The following ARHGEF10 variants were observed in gnomAD, a reference collection of about 807,000 sequenced individuals.
ARHGEF10 encodes Rho guanine nucleotide exchange factor 10.
In ARHGEF10, 140 loss-of-function variants were observed where a neutral mutation model predicts 147.4. That is an observed-to-expected ratio of 0.95 (90% CI 0.83 to 1.09). The LOEUF is 1.09. ARHGEF10 is among the 50% of genes least tolerant of loss of function. ARHGEF10 has a pLI of 0.00. For missense variants in ARHGEF10, 2,222 were observed against 1,752.7 expected, an observed-to-expected ratio of 1.27 and a Z score of -4.78; for synonymous variants, 902 against 695.8, an observed-to-expected ratio of 1.30 and a Z score of -4.67.
At chr8:1,851,557 G>A (rs1297615018) in intron 2 of ARHGEF10, among the ~76,000 whole-genome samples, 1 of 152,168 alleles carries the variant, frequency 6.6e-6, no homozygotes, top group Non-Finnish European at 1.5e-5. Flanking sequence ...AGAACTCTCT[G>A]TACCTTCCTC....
intron 26 of ARHGEF10, among the ~76,000 whole-genome samples, chr8:1,935,794 T>C (rs1173174099): frequency 2.6e-5 from 4 of 152,186 alleles, no homozygotes; most frequent in African/African-American, 9.7e-5. Flanking sequence ...AATGAGGGCA[T>C]CTATGCCCCA....
At chr8:1,888,861 CACTG>C (rs72029984) in intron 11 of ARHGEF10, among the ~76,000 whole-genome samples, 4,666 of 48,176 alleles carry the variant, frequency 0.097, 1,011 homozygotes, top group South Asian at 0.15. Flanking sequence ...TGTGAGGAGA[CACTG>C]AGTGGGGTGA....
intron 1 of ARHGEF10, among the ~76,000 whole-genome samples, chr8:1,826,743 T>A (rs1377048111): frequency 6.6e-6 from 1 of 152,232 alleles, no homozygotes; most frequent in Non-Finnish European, 1.5e-5. Flanking sequence ...CCGTCATTGT[T>A]TACTGCACAG....
intron 18 of ARHGEF10, among the ~76,000 whole-genome samples, chr8:1,920,643 AG>A (rs1422332266): frequency 1.3e-5 from 2 of 152,298 alleles, no homozygotes; most frequent in Middle Eastern, 3.4e-3. Context: ...TTGTGTTACA[AG>A]GTTGTGTTTA....
At chr8:1,933,556 G>T (rs1435109606) in intron 25 of ARHGEF10, among the ~76,000 whole-genome samples, 2 of 133,980 alleles carry the variant, frequency 1.5e-5, no homozygotes, top group African/African-American at 2.7e-5. Context: ...TAGGCAGGGG[G>T]GCGGGTGGGG....
intron 9 of ARHGEF10, among the ~76,000 whole-genome samples, chr8:1,880,401 C>T (rs558693111): frequency 8.5e-5 from 13 of 152,332 alleles, no homozygotes; most frequent in South Asian, 2.1e-4. Context: ...GTGGCCTCAC[C>T]GCTGGCGGAA....
rs1395408568 is a variant in ARHGEF10 at position 1,858,205 on chromosome 8, T to TCCCCAGG, written c.193+90_193+91insCCCCAGG. 3.7e-5 allele frequency: 45 copies of TCCCCAGG among 1,231,536 alleles called. 2 individuals carry two copies. The highest frequency in any genetic ancestry group is 1.8e-4 in the South Asian group (11 of 62,680). 76.3% of individuals were successfully genotyped at this position (1,231,536 alleles called of 1,614,324 possible). Reference sequence around the variant, plus strand: ...GTCCCCATGTGAGTCACCAGGTGAGTTCCCAGGTGAGTCCCCAGGTGAGTC... The same window carrying TCCCCAGG: ...GTCCCCATGTGAGTCACCAGGTGAGTCCCCAGGTCCCAGGTGAGTCCCCAGGTGAGTC... On this transcript the variant is annotated intron_variant, in intron 3 of 28. Coordinates refer to ENST00000349830, the MANE Select transcript of ARHGEF10 (RefSeq NM_014629.4).
chr8:1,954,204 C>T (rs1815295277), intron 28 of ARHGEF10, among the ~76,000 whole-genome samples: 1 of 152,136 alleles, frequency 6.6e-6, no homozygotes, highest in African/African-American at 2.4e-5. Flanking sequence ...AGCTATTCTC[C>T]TGCCTCAGCC....
In ARHGEF10 at chr8:1,893,553, T is replaced by C; in HGVS notation, c.1183-16T>C. 5 of 1,596,072 alleles carry C rather than the reference T, an allele frequency of 3.1e-6. No homozygotes were observed. The highest frequency in any genetic ancestry group is 4.3e-6 in the Non-Finnish European group (5 of 1,163,756). On this transcript the variant is annotated splice_polypyrimidine_tract_variant and intron_variant, in intron 11 of 28. Transcript: ENST00000349830. ...TAAAGCAGTTTTCTATCATTGTACT[T>C]CCAAATTTCCAACAGGTTGTAAGAA...
At position 1,903,401 on chromosome 8, in the gene ARHGEF10, T is replaced by G; in HGVS notation, c.1771T>G (p.Cys591Gly). 1 of 1,614,222 alleles carries G rather than the reference T, an allele frequency of 6.2e-7. No individual in the cohort carries two copies. Among genetic ancestry groups the G allele is most frequent in the South Asian group, 1.1e-5 (1 of 91,090 alleles). Residue 591 changes from cysteine to glycine, a missense_variant, in exon 16 of 29, where the codon TGT becomes GGT. Transcript: ENST00000349830. ...AAGAAAGAGAGATGCTGATCAACGCTGTGAAGTGAAGCAAATAGCCAAAGC... is the reference window on the plus strand; with the variant it reads ...AAGAAAGAGAGATGCTGATCAACGCGGTGAAGTGAAGCAAATAGCCAAAGC... ...NERKRDADQR[C>G]EVKQIAKAIN...
chr8:1,930,482 T>A (rs1813035693), intron 25 of ARHGEF10, among the ~76,000 whole-genome samples: 1 of 152,022 alleles, frequency 6.6e-6, no homozygotes, highest in African/African-American at 2.4e-5. Context: ...GTAAATAAGG[T>A]TTTTACCCTC....
rs1563343055 is a variant in ARHGEF10, at chr8:1,957,042, C to G, written c.3814C>G (p.Leu1272Val). 7 of 1,613,940 alleles carry G rather than the reference C, an allele frequency of 4.3e-6. No individual in the cohort carries two copies. Among genetic ancestry groups the G allele is most frequent in the Non-Finnish European group, 5.9e-6 (7 of 1,180,042 alleles). Residue 1272 changes from leucine to valine, a missense_variant, in exon 29 of 29, where the codon CTA becomes GTA. Transcript: ENST00000349830. ...GAGCTTGTCTCACGGCTCCAGCTCT[C>G]TAGAGCACAGATCAGAGGACAGCAC... ...SLSLSHGSSS[L>V]EHRSEDSTIY...
chr8:1,890,458 G>T (rs867158816), intron 11 of ARHGEF10, among the ~76,000 whole-genome samples: 3 of 150,162 alleles, frequency 2.0e-5, no homozygotes. Context: ...AGTGAGTGGG[G>T]TGAGTGTTGT....
At chr8:1,888,469 AT>A (rs1808989452) in intron 11 of ARHGEF10, among the ~76,000 whole-genome samples, 5 of 80,458 alleles carry the variant, frequency 6.2e-5, no homozygotes, top group South Asian at 5.1e-4. Flanking sequence ...GGTGAGGGGT[AT>A]TGAGGAGACA....
In ARHGEF10 at chr8:1,850,163, C is replaced by T. The variant is rs567947745; in HGVS notation, c.37+6727C>T. 6.3e-5 allele frequency among the ~76,000 whole-genome samples: 9 copies of T among 142,796 alleles called. 1 individual carries two copies. The highest frequency in any genetic ancestry group is 9.4e-5 in the Non-Finnish European group (6 of 63,836). 93.7% of individuals were successfully genotyped at this position (142,796 alleles called of 152,430 possible). The stretch of plus-strand genomic sequence containing the variant: ...GGAGGGTGTGGGGCGGCCACGTGGA[C>T]ACAGAGGGCAAATGCTGAGGAGGGC... On this transcript the variant is annotated intron_variant, in intron 2 of 28. Coordinates refer to ENST00000349830, the MANE Select transcript of ARHGEF10 (RefSeq NM_014629.4).
intron 25 of ARHGEF10, among the ~76,000 whole-genome samples, chr8:1,932,545 G>C (rs1411174481): frequency 6.6e-6 from 1 of 152,192 alleles, no homozygotes; most frequent in African/African-American, 2.4e-5. Flanking sequence ...TGTTGTGCAT[G>C]GGTGCATGTG....
intron 1 of ARHGEF10, among the ~76,000 whole-genome samples, chr8:1,827,532 C>T (rs1003585734): frequency 1.3e-5 from 2 of 152,164 alleles, no homozygotes; most frequent in African/African-American, 4.8e-5. Flanking sequence ...TCTTGAACTC[C>T]CGACCTCAAG....
intron 14 of ARHGEF10, 51 bp downstream of exon 14, chr8:1,896,500 T>TA (rs750371838): frequency 1.6e-6 from 2 of 1,280,744 alleles, no homozygotes; most frequent in African/African-American, 1.5e-5. Flanking sequence ...GATAACAAGT[T>TA]ACATGTCAAA....
At chr8:1,860,773 G>A (rs918922394) in intron 4 of ARHGEF10, among the ~76,000 whole-genome samples, 11 of 152,128 alleles carry the variant, frequency 7.2e-5, no homozygotes, top group Non-Finnish European at 1.6e-4. Flanking sequence ...GACTTACTGT[G>A]CTAGATGACA....
Sources: gnomAD v4.1 joint callset for allele counts (sites outside exome capture counted in the v4.1 genomes callset) on GRCh38, gnomAD v4.1.1 for gene constraint, MANE v1.5 for transcripts, NCBI Gene and HGNC (gene_info 2026-07-23, HGNC 2026-07-21) for gene names.